Variants in SORCS2 observed in about 807,000 individuals in gnomAD.
SORCS2 encodes VPS10 domain-containing receptor SorCS2.
In SORCS2, 100 loss-of-function variants were observed where a neutral mutation model predicts 141.6. The ratio of observed to expected loss-of-function variants is 0.71; its 90% CI spans 0.60 to 0.83. The LOEUF (loss-of-function observed/expected upper bound fraction) is 0.83, where lower values mean the gene tolerates loss of function less well. Ranked by LOEUF, SORCS2 falls within the 40% of genes least tolerant of loss-of-function variation. SORCS2 has a pLI of 0.00. For synonymous variants in SORCS2, 789 were observed against 676.9 expected, an observed-to-expected ratio of 1.17 and a Z score of -2.57; for missense variants, 1,646 against 1,560.2, an observed-to-expected ratio of 1.05 and a Z score of -0.93.
At chr4:7,700,639 C>T (rs540753334) in intron 12 of SORCS2, among the ~76,000 whole-genome samples, 88 of 152,368 alleles carry the variant, frequency 5.8e-4, no homozygotes, top group African/African-American at 2.0e-3. Context: ...TGTGCTTCTC[C>T]AAGCACTTTC....
At chr4:7,481,818 A>C (rs910096610) in intron 2 of SORCS2, among the ~76,000 whole-genome samples, 2 of 152,106 alleles carry the variant, frequency 1.3e-5, no homozygotes. Context: ...CCCAGCAACG[A>C]GAGAGAACGC....
chr4:7,709,315 T>A (rs2012263), intron 14 of SORCS2, among the ~76,000 whole-genome samples: 67 of 152,232 alleles, frequency 4.4e-4, no homozygotes, highest in Non-Finnish European at 5.9e-5. Flanking sequence ...GAGCCGTGAA[T>A]GAGCCTGTCT....
At chr4:7,597,255 A>AG (rs1215805938) in intron 3 of SORCS2, among the ~76,000 whole-genome samples, 1 of 143,472 alleles carries the variant, frequency 7.0e-6, no homozygotes, top group African/African-American at 2.6e-5. Flanking sequence ...GCTACGCAAT[A>AG]GGGGGAGGGA....
chr4:7,320,110 C>G (rs1440210458), intron 1 of SORCS2, among the ~76,000 whole-genome samples: 1 of 151,706 alleles, frequency 6.6e-6, no homozygotes, highest in East Asian at 1.9e-4. Context: ...CAACACCAGC[C>G]TGGGCAAAAT....
chr4:7,269,042 G>A (rs939320422), intron 1 of SORCS2, among the ~76,000 whole-genome samples: 2 of 152,206 alleles, frequency 1.3e-5, no homozygotes, highest in Admixed American at 6.5e-5. Flanking sequence ...GCAGAGCGGG[G>A]GTTGAGGTTG....
chr4:7,710,968 G>T lies in SORCS2; in HGVS notation c.1869-1765G>T. 3.3e-5 allele frequency among the ~76,000 whole-genome samples: 5 copies of T among 152,320 alleles called. 1 individual carries two copies. The Middle Eastern group carries it at 0.014, about 414-fold the overall frequency. ...GATGGGACTGTGAGCCCAGAACCAG[G>T]GGCCTGGCTGGAATGAGGCCTGGCA... is the stretch of plus-strand genomic sequence containing the variant. On this transcript the variant is annotated intron_variant, in intron 14 of 26. Transcript: ENST00000507866.
Position 7,227,124 on chromosome 4 carries a change from C to T in SORCS2, c.480+33998C>T, listed in dbSNP as rs116359449. On this transcript the variant is annotated intron_variant, in intron 1 of 26. Coordinates refer to ENST00000507866, the MANE Select transcript of SORCS2 (RefSeq NM_020777.3). ...GTACTCTTATGCACTTGTGCGTGCT[C>T]ACACACATGCAGGAGGCCCTGCGGG... Among the ~76,000 whole-genome samples the T allele has an allele frequency of 6.9e-3, 1,054 of 152,206 alleles. 13 individuals are homozygous for T. The highest frequency in any genetic ancestry group is 0.023 in the African/African-American group (969 of 41,534).
chr4:7,475,444 C>T (rs1004859960), intron 2 of SORCS2, among the ~76,000 whole-genome samples: 5 of 152,172 alleles, frequency 3.3e-5, no homozygotes, highest in Non-Finnish European at 7.3e-5. Flanking sequence ...GGCCGGCCCC[C>T]CGAGGGCCTG....
chr4:7,252,299 G>C (rs752980293), intron 1 of SORCS2, among the ~76,000 whole-genome samples: 1 of 152,194 alleles, frequency 6.6e-6, no homozygotes, highest in Non-Finnish European at 1.5e-5. Flanking sequence ...TGAGGGGCCA[G>C]TGTGGCTGGG....
At chr4:7,732,411 G>A (rs2148895908) in intron 23 of SORCS2, among the ~76,000 whole-genome samples, 1 of 152,302 alleles carries the variant, frequency 6.6e-6, no homozygotes. Flanking sequence ...TGAGGAGGAA[G>A]CCCTCCTCTG....
intron 3 of SORCS2, among the ~76,000 whole-genome samples, chr4:7,570,526 G>A (rs1156342273): frequency 6.6e-6 from 1 of 152,216 alleles, no homozygotes; most frequent in African/African-American, 2.4e-5. Flanking sequence ...GTTTTCAAAG[G>A]GAAGCCAATC....
At chr4:7,349,255 C>T (rs1720806273) in intron 1 of SORCS2, among the ~76,000 whole-genome samples, 1 of 152,184 alleles carries the variant, frequency 6.6e-6, no homozygotes, top group African/African-American at 2.4e-5. Context: ...TCCACCCCTG[C>T]CGTAGGGAGC....
intron 9 of SORCS2, among the ~76,000 whole-genome samples, chr4:7,676,458 A>G (rs1273477143): frequency 1.3e-5 from 2 of 152,206 alleles, no homozygotes; most frequent in African/African-American, 4.8e-5. Context: ...TTCGAAATAC[A>G]ATGATCATCA....
At chr4:7,393,440 A>G (rs1032398630) in intron 1 of SORCS2, among the ~76,000 whole-genome samples, 5 of 152,224 alleles carry the variant, frequency 3.3e-5, no homozygotes, top group Non-Finnish European at 7.3e-5. Context: ...GTTCTTTGAA[A>G]CTACTTTTAA....
intron 2 of SORCS2, among the ~76,000 whole-genome samples, chr4:7,526,569 C>T (rs753653223): frequency 2.0e-5 from 3 of 152,178 alleles, no homozygotes; most frequent in Non-Finnish European, 2.9e-5. Flanking sequence ...GACGCTGCTC[C>T]GTATGATACC....
intron 1 of SORCS2, among the ~76,000 whole-genome samples, chr4:7,255,985 T>G (rs1713846860): frequency 6.7e-6 from 1 of 149,416 alleles, no homozygotes. Flanking sequence ...GGACCCGGGA[T>G]TGGTGCATGG....
At chr4:7,705,884 G>A (rs1349821186) in intron 14 of SORCS2, among the ~76,000 whole-genome samples, 4 of 152,254 alleles carry the variant, frequency 2.6e-5, no homozygotes, top group Non-Finnish European at 4.4e-5. Flanking sequence ...CCCAGCAGGC[G>A]CACAGCTCCC....
At chr4:7,359,863 C>G (rs1721476206) in intron 1 of SORCS2, among the ~76,000 whole-genome samples, 1 of 152,164 alleles carries the variant, frequency 6.6e-6, no homozygotes, top group Non-Finnish European at 1.5e-5. Context: ...GCAACTGGCA[C>G]TGCAGGAAGT....
intron 10 of SORCS2, among the ~76,000 whole-genome samples, chr4:7,686,313 C>T (rs551504633): frequency 7.2e-4 from 110 of 152,348 alleles, no homozygotes; most frequent in African/African-American, 2.6e-3. Flanking sequence ...TCTTCTAAGG[C>T]GTGAGGCTGC....
Sources: gnomAD v4.1 joint callset for allele counts (sites outside exome capture counted in the v4.1 genomes callset) on GRCh38, gnomAD v4.1.1 for gene constraint, MANE v1.5 for transcripts, NCBI Gene and HGNC (gene_info 2026-07-23, HGNC 2026-07-21) for gene names.